The following WWOX variants were observed in gnomAD, a reference collection of about 807,000 sequenced individuals.
WWOX encodes the protein WW domain containing oxidoreductase.
Under a neutral mutation model 46.2 loss-of-function variants are expected in WWOX, and 69 were observed. The observed-to-expected ratio is 1.49, with a 90% CI of 1.23 to 1.82. WWOX has a LOEUF of 1.82. Among genes scored for constraint, WWOX ranks in the 40% most tolerant of loss-of-function variants. WWOX has a pLI of 0.00. For missense variants in WWOX, 919 were observed against 542.6 expected, an observed-to-expected ratio of 1.69 and a Z score of -6.89; for synonymous variants, 359 against 202.6, an observed-to-expected ratio of 1.77 and a Z score of -6.56.
intron 8 of WWOX, among the ~76,000 whole-genome samples, chr16:78,715,231 G>A (rs117200256): frequency 0.015 from 2,262 of 152,212 alleles, 23 homozygotes; most frequent in South Asian, 0.038. Context: ...CACAAGTAAA[G>A]CTAACTGTAA....
chr16:78,487,917 G>C (rs954565988), intron 8 of WWOX, among the ~76,000 whole-genome samples: 1 of 152,144 alleles, frequency 6.6e-6, no homozygotes, highest in Non-Finnish European at 1.5e-5. Context: ...AGGCAAGCTG[G>C]ACTGCAGAAA....
intron 8 of WWOX, among the ~76,000 whole-genome samples, chr16:78,803,836 CAAATA>C (rs926267705): frequency 4.1e-4 from 62 of 152,136 alleles, no homozygotes; most frequent in African/African-American, 1.5e-3. Context: ...AAGAATTGAA[CAAATA>C]AAATAGTCAG....
intron 8 of WWOX, among the ~76,000 whole-genome samples, chr16:78,946,619 C>T (rs761278687): frequency 2.6e-5 from 4 of 152,156 alleles, no homozygotes; most frequent in African/African-American, 7.2e-5. Flanking sequence ...TTCTTTCTGT[C>T]TTCATCCTAG....
At chr16:78,923,155 A>C (rs1258357285) in intron 8 of WWOX, among the ~76,000 whole-genome samples, 1 of 151,562 alleles carries the variant, frequency 6.6e-6, no homozygotes, top group African/African-American at 2.4e-5. Flanking sequence ...CTAATTTTGT[A>C]TTTTTAGTAG....
At chr16:78,387,568 G>C (rs2082086296) in intron 6 of WWOX, among the ~76,000 whole-genome samples, 1 of 152,078 alleles carries the variant, frequency 6.6e-6, no homozygotes, top group Admixed American at 6.5e-5. Context: ...GGTTGTAGGA[G>C]AAAGGGAGAG....
chr16:79,137,291 T>C (rs1397119190), intron 8 of WWOX, among the ~76,000 whole-genome samples: 1 of 152,232 alleles, frequency 6.6e-6, no homozygotes, highest in African/African-American at 2.4e-5. Flanking sequence ...TGGTATCACA[T>C]GGAGAACGAG....
intron 8 of WWOX, among the ~76,000 whole-genome samples, chr16:78,856,231 G>A (rs899342198): frequency 6.6e-6 from 1 of 152,180 alleles, no homozygotes; most frequent in African/African-American, 2.4e-5. Flanking sequence ...ATTTAGGCAG[G>A]GACTGCGTTG....
intron 8 of WWOX, among the ~76,000 whole-genome samples, chr16:78,560,468 C>T (rs1477068265): frequency 6.6e-6 from 1 of 151,896 alleles, no homozygotes; most frequent in Non-Finnish European, 1.5e-5. Flanking sequence ...CATGGTGAAA[C>T]CCCCGTCTCT....
chr16:78,528,853 C>T (rs2043547587), intron 8 of WWOX, among the ~76,000 whole-genome samples: 1 of 152,054 alleles, frequency 6.6e-6, no homozygotes, highest in African/African-American at 2.4e-5. Flanking sequence ...TAACCTCAGC[C>T]ATCTTGGATT....
In WWOX at chr16:78,208,501, G is replaced by A. The variant is rs1222032004; in HGVS notation, c.516+44212G>A. ...AAAACCTGTTATGGAATATGAATAC[G>A]TGGCACTATTTTTTCTTTTAGGGTG... On this transcript the variant is annotated intron_variant, in intron 5 of 8. Transcript: ENST00000566780. Among the ~76,000 whole-genome samples the A allele has an allele frequency of 2.6e-5, 4 of 152,222 alleles. No homozygotes were observed. In the East Asian group the frequency reaches 5.8e-4, roughly 22 times the overall value.
intron 5 of WWOX, among the ~76,000 whole-genome samples, chr16:78,176,542 A>C (rs909954793): frequency 1.3e-5 from 2 of 152,204 alleles, no homozygotes; most frequent in African/African-American, 4.8e-5. Flanking sequence ...TAGCTGGGAG[A>C]AACTTCAATG....
chr16:78,127,233 C>T (rs1597238096), intron 4 of WWOX, among the ~76,000 whole-genome samples: 1 of 152,118 alleles, frequency 6.6e-6, no homozygotes, highest in South Asian at 2.1e-4. Flanking sequence ...TCCAGAGTGC[C>T]CAGGGAATTG....
At chr16:78,153,743 C>G (rs1055702238) in intron 4 of WWOX, among the ~76,000 whole-genome samples, 36 of 152,004 alleles carry the variant, frequency 2.4e-4, no homozygotes, top group African/African-American at 8.5e-4. Flanking sequence ...ATTGTAAGCC[C>G]CAACTCCTTT....
At position 78,971,254 on chromosome 16, in the gene WWOX, A is replaced by G. The variant is rs192416515; in HGVS notation, c.1057-240354A>G. 8.3e-4 allele frequency among the ~76,000 whole-genome samples: 126 copies of G among 152,110 alleles called. 2 individuals are homozygous for G. Among genetic ancestry groups the G allele is most frequent in the African/African-American group, 2.9e-3 (119 of 41,490 alleles). On this transcript the variant is annotated intron_variant, in intron 8 of 8. Coordinates refer to ENST00000566780, the MANE Select transcript of WWOX (RefSeq NM_016373.4). ...GGCGGGAAGATCACTTGTTGAGGTCAGGAGTTCGAGACCAGCCTGGCCAAC... is the reference window on the plus strand; with the variant it reads ...GGCGGGAAGATCACTTGTTGAGGTCGGGAGTTCGAGACCAGCCTGGCCAAC...
rs536602864 is a variant in WWOX at position 78,460,267 on chromosome 16, G to A, written c.1056+27515G>A. Among the ~76,000 whole-genome samples the A allele has an allele frequency of 2.1e-3, 321 of 152,002 alleles. 1 individual carries two copies. The highest frequency in any genetic ancestry group is 7.4e-3 in the African/African-American group (307 of 41,488). ...CTCAGCCTTCCAAGTAGCTGGTTTT[G>A]CAGGCATGCACCACCACACCCAGCT... On this transcript the variant is annotated intron_variant, in intron 8 of 8. Coordinates refer to ENST00000566780, the MANE Select transcript of WWOX (RefSeq NM_016373.4).
intron 8 of WWOX, among the ~76,000 whole-genome samples, chr16:78,575,022 AATATATATATATATATATAT>A (rs1215227335): frequency 5.7e-4 from 8 of 13,992 alleles, no homozygotes; most frequent in African/African-American, 9.3e-4. Flanking sequence ...TATATATATA[AATATATATATATATATATAT>A]ATATATATAT....
chr16:78,497,165 T>C (rs201687124), intron 8 of WWOX, among the ~76,000 whole-genome samples: 1 of 152,208 alleles, frequency 6.6e-6, no homozygotes, highest in Non-Finnish European at 1.5e-5. Context: ...AGAGTGGTGG[T>C]GTTTGGAAAG....
At chr16:78,310,062 T>C (rs2080210787) in intron 5 of WWOX, among the ~76,000 whole-genome samples, 1 of 151,306 alleles carries the variant, frequency 6.6e-6, no homozygotes, top group Admixed American at 6.6e-5. Context: ...TCCTTCCCCC[T>C]CCTTCCCCCT....
chr16:78,696,617 C>T (rs2048105168), intron 8 of WWOX, among the ~76,000 whole-genome samples: 1 of 146,770 alleles, frequency 6.8e-6, no homozygotes, highest in African/African-American at 2.5e-5. Context: ...ATAACCTTGC[C>T]CAGCTGTAGG....
Sources: gnomAD v4.1 joint callset for allele counts (sites outside exome capture counted in the v4.1 genomes callset) on GRCh38, gnomAD v4.1.1 for gene constraint, MANE v1.5 for transcripts, NCBI Gene and HGNC (gene_info 2026-07-23, HGNC 2026-07-21) for gene names.